KSR2: variants seen among roughly 807,000 people sequenced by gnomAD.
The protein encoded by KSR2 is kinase suppressor of ras 2.
A neutral mutation model predicts 107.8 loss-of-function variants in KSR2; 25 were observed. That is an observed-to-expected ratio of 0.23 (90% CI 0.17 to 0.32). The LOEUF (loss-of-function observed/expected upper bound fraction) is 0.32, where lower values mean the gene tolerates loss of function less well. Ranked by LOEUF, KSR2 falls within the 10% of genes least tolerant of loss-of-function variation. KSR2 has a pLI of 1.00. For missense variants in KSR2, 887 were observed against 1,268.9 expected, an observed-to-expected ratio of 0.70 and a Z score of 4.57; for synonymous variants, 480 against 507.0, an observed-to-expected ratio of 0.95 and a Z score of 0.71.
chr12:117,923,737 G>A (rs1041808100), intron 1 of KSR2, among the ~76,000 whole-genome samples: 1 of 152,102 alleles, frequency 6.6e-6, no homozygotes, highest in Non-Finnish European at 1.5e-5. Flanking sequence ...CATGAATAAT[G>A]AGAATTGACT....
At chr12:117,880,025 A>C (rs1182346720) in intron 1 of KSR2, among the ~76,000 whole-genome samples, 1 of 152,154 alleles carries the variant, frequency 6.6e-6, no homozygotes, top group Admixed American at 6.5e-5. Flanking sequence ...ATGTGCCTGT[A>C]ATCCCAGCTA....
intron 3 of KSR2, among the ~76,000 whole-genome samples, chr12:117,784,836 G>C (rs1203993398): frequency 6.6e-6 from 1 of 152,200 alleles, no homozygotes; most frequent in African/African-American, 2.4e-5. Flanking sequence ...TAATCTGTGT[G>C]TGAAATGCTG....
At position 117,467,085 on chromosome 12, in the gene KSR2, G is replaced by C. The variant is rs1022567086; in HGVS notation, c.*114C>G. On this transcript the variant is annotated 3_prime_UTR_variant, in exon 20 of 20. Transcript: ENST00000339824. ...TTGTCCAGTGCTCCCAGGTCGGTCG[G>C]GGTTGGTACCCTCTGATGCTGAGTC... is the stretch of plus-strand genomic sequence containing the variant. The C allele has an allele frequency of 2.1e-5, 11 of 530,284 alleles. No individual in the cohort carries two copies. The highest frequency in any genetic ancestry group is 3.8e-5 in the Non-Finnish European group (11 of 292,926). 32.8% of individuals were successfully genotyped at this position (530,284 alleles called of 1,614,324 possible).
intron 1 of KSR2, among the ~76,000 whole-genome samples, chr12:117,860,999 G>T (rs1210278443): frequency 6.6e-6 from 1 of 152,052 alleles, no homozygotes; most frequent in Non-Finnish European, 1.5e-5. Flanking sequence ...GATTACAGGC[G>T]TGAGCCACTG....
At chr12:117,611,445 G>GACACACACACACACACACACACAC (rs6144887) in intron 5 of KSR2, among the ~76,000 whole-genome samples, 18,275 of 144,418 alleles carry the variant, frequency 0.13, 1,244 homozygotes, top group African/African-American at 0.13. Flanking sequence ...TGCACGCACA[G>GACACACACACACACACACACACAC]ACACACACAC....
chr12:117,852,888 A>G lies in KSR2; in HGVS notation c.472+2540T>C, dbSNP rs546649434. ...ACAATCTCAGCTCACTGCAACCTCC[A>G]CCTCCCAGGTTCAAGAGATTCTCCT... On this transcript the variant is annotated intron_variant, in intron 3 of 19. Transcript: ENST00000339824. Among the ~76,000 whole-genome samples, 17 of 152,132 alleles carry G rather than the reference A, an allele frequency of 1.1e-4. No homozygotes were observed. In the East Asian group the frequency reaches 2.5e-3, roughly 22 times the overall value.
intron 3 of KSR2, among the ~76,000 whole-genome samples, chr12:117,813,889 A>T (rs1264314288): frequency 6.6e-6 from 1 of 152,228 alleles, no homozygotes; most frequent in Non-Finnish European, 1.5e-5. Flanking sequence ...CCAAGAAGAG[A>T]TGAATGGATA....
chr12:117,522,497 C>T (rs1455342996), intron 14 of KSR2, among the ~76,000 whole-genome samples: 1 of 152,108 alleles, frequency 6.6e-6, no homozygotes, highest in Non-Finnish European at 1.5e-5. Context: ...ATGATATATA[C>T]TGGGTAAGAA....
intron 4 of KSR2, among the ~76,000 whole-genome samples, chr12:117,731,930 T>C (rs491467): frequency 0.11 from 12,213 of 113,986 alleles, 1,133 homozygotes; most frequent in Admixed American, 0.15. Flanking sequence ...CTAGGAAAAC[T>C]AGAGACCCTT....
chr12:117,789,384 G>A (rs112228851), intron 3 of KSR2, among the ~76,000 whole-genome samples: 1,831 of 152,252 alleles, frequency 0.012, 43 homozygotes, highest in African/African-American at 0.041. Flanking sequence ...TTTCAGATTC[G>A]AATTCAGGCA....
intron 1 of KSR2, among the ~76,000 whole-genome samples, chr12:117,946,247 A>G (rs922043481): frequency 1.3e-5 from 2 of 152,162 alleles, no homozygotes; most frequent in Non-Finnish European, 2.9e-5. Context: ...AATGAAAATC[A>G]ATGAAATTGA....
intron 5 of KSR2, among the ~76,000 whole-genome samples, chr12:117,632,023 A>T (rs1423054421): frequency 2.6e-5 from 4 of 152,140 alleles, no homozygotes; most frequent in Non-Finnish European, 2.9e-5. Context: ...ATCTGCCAAA[A>T]TTCTGACTAT....
At chr12:117,605,387 TTTTTA>T (rs143149371) in intron 5 of KSR2, among the ~76,000 whole-genome samples, 16,878 of 152,162 alleles carry the variant, frequency 0.11, 1,011 homozygotes, top group Admixed American at 0.16. Context: ...CATTACATAA[TTTTTA>T]TTTTATTTTT....
chr12:117,625,050 A>G (rs1882397530), intron 5 of KSR2, among the ~76,000 whole-genome samples: 1 of 152,150 alleles, frequency 6.6e-6, no homozygotes, highest in African/African-American at 2.4e-5. Flanking sequence ...TTGCACGTTG[A>G]TTTTGTATCC....
intron 3 of KSR2, among the ~76,000 whole-genome samples, chr12:117,819,934 A>G (rs1488836224): frequency 1.3e-5 from 2 of 152,236 alleles, no homozygotes; most frequent in Non-Finnish European, 2.9e-5. Flanking sequence ...CATAGGAAAA[A>G]AGCCTAAAAG....
intron 1 of KSR2, among the ~76,000 whole-genome samples, chr12:117,911,787 TCG>T (rs1895022858): frequency 3.9e-5 from 3 of 77,020 alleles, no homozygotes; most frequent in Admixed American, 1.8e-4. Context: ...TTCATGAGGA[TCG>T]CAAACTCTCA....
intron 4 of KSR2, among the ~76,000 whole-genome samples, chr12:117,720,696 C>T (rs966970174): frequency 4.6e-5 from 7 of 152,102 alleles, no homozygotes; most frequent in Non-Finnish European, 8.8e-5. Context: ...TCATACATCA[C>T]GATAAATGCT....
intron 4 of KSR2, among the ~76,000 whole-genome samples, chr12:117,717,279 G>A (rs950055152): frequency 4.6e-5 from 7 of 152,170 alleles, no homozygotes; most frequent in African/African-American, 1.4e-4. Context: ...CCAGTACTTC[G>A]GAAGGCTGAG....
intron 14 of KSR2, among the ~76,000 whole-genome samples, chr12:117,502,090 CAT>C (rs1266361605): frequency 6.6e-6 from 1 of 152,362 alleles, no homozygotes; most frequent in African/African-American, 2.4e-5. Flanking sequence ...ACAAGTGTGA[CAT>C]ATGTCTGTGC....
Sources: allele counts gnomAD v4.1 joint callset (sites outside exome capture counted in the v4.1 genomes callset), GRCh38; gene constraint gnomAD v4.1.1; transcripts MANE v1.5; gene names NCBI Gene and HGNC (gene_info 2026-07-23, HGNC 2026-07-21).